Variants in PA2G4 observed in about 807,000 individuals in gnomAD.
PA2G4 encodes proliferation-associated 2G4.
PA2G4 carries 8 observed loss-of-function variants against 53.3 expected under a neutral mutation model. The observed-to-expected ratio is 0.15, with a 90% CI of 0.09 to 0.27. The LOEUF (loss-of-function observed/expected upper bound fraction) is 0.27. PA2G4 is among the 10% of genes least tolerant of loss of function. PA2G4 has a pLI of 1.00. For synonymous variants in PA2G4, 143 were observed against 169.8 expected, an observed-to-expected ratio of 0.84 and a Z score of 1.23; for missense variants, 208 against 486.8, an observed-to-expected ratio of 0.43 and a Z score of 5.39.
At chr12:56,111,806 G>T (rs1869432310) in intron 12 of PA2G4, among the ~76,000 whole-genome samples, 1 of 150,898 alleles carries the variant, frequency 6.6e-6, no homozygotes, top group Admixed American at 6.6e-5. Context: ...TTACAGGCAT[G>T]AGCTGCCATG....
rs1315203016 is a variant in PA2G4 at position 56,111,545 on chromosome 12, T to G, written c.1119+16T>G. 1 of 1,610,040 alleles carries G rather than the reference T, an allele frequency of 6.2e-7. No homozygotes were observed. Among genetic ancestry groups the G allele is most frequent in the Non-Finnish European group, 8.5e-7 (1 of 1,177,634 alleles). Reference sequence around the variant, plus strand: ...AAAAAAGAAGGTGTGTTATTAACGATCATTCCTCTCTGGCAGGGTGAACCT... The same window carrying G: ...AAAAAAGAAGGTGTGTTATTAACGAGCATTCCTCTCTGGCAGGGTGAACCT... On this transcript the variant is annotated intron_variant, in intron 12 of 12. Coordinates refer to ENST00000303305, the MANE Select transcript of PA2G4 (RefSeq NM_006191.3).
intron 5 of PA2G4, 48 bp from the exon 6 acceptor site, chr12:56,109,182 C>T (rs1869365396): frequency 8.7e-7 from 1 of 1,149,508 alleles, no homozygotes; most frequent in Non-Finnish European, 1.3e-6. Flanking sequence ...TTGTAGAGAA[C>T]TTATTAGCTC....
chr12:56,107,908 A>G (rs1869334784), intron 5 of PA2G4, among the ~76,000 whole-genome samples: 1 of 152,150 alleles, frequency 6.6e-6, no homozygotes, highest in South Asian at 2.1e-4. Flanking sequence ...ATGTGCCTGT[A>G]TTCCCAGCTT....
Position 56,110,396 on chromosome 12 carries a change from T to C in PA2G4, c.630-3T>C. ...AAAATTCCTTTCTCTCTATTCCTTT[T>C]AGGAAGGACCATGAAAAAGCTGAAT... On this transcript the variant is annotated splice_region_variant and splice_polypyrimidine_tract_variant and intron_variant, in intron 7 of 12. Coordinates refer to ENST00000303305, the MANE Select transcript of PA2G4 (RefSeq NM_006191.3). 1 of 1,581,996 alleles carries C rather than the reference T, an allele frequency of 6.3e-7. No homozygotes were observed. The highest frequency in any genetic ancestry group is 8.7e-7 in the Non-Finnish European group (1 of 1,150,850).
chr12:56,110,712 C>T lies in PA2G4; in HGVS notation c.842+20C>T, dbSNP rs766736867. ...TTTAAGGTACTAAGCAATGATAGTA[C>T]TTGGAACCAGTCTGACTCACAGACC... is the stretch of plus-strand genomic sequence containing the variant. On this transcript the variant is annotated intron_variant, in intron 9 of 12. Coordinates refer to ENST00000303305, the MANE Select transcript of PA2G4 (RefSeq NM_006191.3). 6.2e-7 allele frequency: 1 copy of T among 1,613,494 alleles called. No individual in the cohort carries two copies. The highest frequency in any genetic ancestry group is 8.5e-7 in the Non-Finnish European group (1 of 1,179,712).
At chr12:56,106,943 C>T (rs746702203) in intron 2 of PA2G4, 47 bp from the exon 3 acceptor site, 2 of 1,487,896 alleles carry the variant, frequency 1.3e-6, no homozygotes, top group East Asian at 2.3e-5. Context: ...GGCACTAGGG[C>T]TCCCGGGAGA....
intron 7 of PA2G4, 143 bp downstream of exon 7, chr12:56,110,078 G>T: frequency 2.9e-6 from 2 of 697,888 alleles, no homozygotes; most frequent in East Asian, 5.4e-5. Flanking sequence ...CTTTCTCTAG[G>T]CCGGGCGCGG....
rs1869307208 is a variant in PA2G4 at position 56,106,590 on chromosome 12, G to A, written c.91G>A (p.Val31Ile). Reference protein sequence around the residue: ...YKMGGDIANRVLRSLVEASSS... With the variant: ...YKMGGDIANRILRSLVEASSS... ...ACATGATGGGATTCTGTCCTCAGGG[G>A]TACTTCGGTCCTTGGTGGAAGCATC... is the stretch of plus-strand genomic sequence containing the variant. The change falls in exon 2 of 13, where the codon GTA becomes ATA. Residue 31 changes from valine to isoleucine, a missense_variant and splice_region_variant. Val to Ile is a conservative substitution (Grantham distance 29, BLOSUM62 3). Coordinates refer to ENST00000303305, the MANE Select transcript of PA2G4 (RefSeq NM_006191.3). The A allele has an allele frequency of 1.9e-6, 3 of 1,571,872 alleles. No homozygotes were observed. Among genetic ancestry groups the A allele is most frequent in the African/African-American group, 2.8e-5 (2 of 72,270 alleles).
At chr12:56,109,079 T>A (rs1240263796) in intron 5 of PA2G4, 151 bp from the exon 6 acceptor site, 3 of 450,650 alleles carry the variant, frequency 6.7e-6, no homozygotes, top group Non-Finnish European at 4.0e-6. Flanking sequence ...TGAGCCAAGA[T>A]CACGCCACTG....
Position 56,110,006 on chromosome 12 carries a change from A to G in PA2G4, c.629+71A>G, listed in dbSNP as rs576002010. The G allele has an allele frequency of 8.2e-5, 86 of 1,047,418 alleles. No individual in the cohort carries two copies. The Admixed American group carries it at 1.2e-3, about 14-fold the overall frequency. 64.9% of individuals were successfully genotyped at this position (1,047,418 alleles called of 1,614,324 possible). A position where few individuals can be genotyped will look rare whatever the true frequency, so the allele number is the denominator to read the frequency against. ...CATCAGGTTTTTTTCTATACTCCCA[A>G]CTGAATCTTGTCCGCCCTCTACTCC... is the stretch of plus-strand genomic sequence containing the variant. On this transcript the variant is annotated intron_variant, in intron 7 of 12. Transcript: ENST00000303305.
At chr12:56,105,345 T>C (rs1174425085) in intron 1 of PA2G4, among the ~76,000 whole-genome samples, 1 of 152,124 alleles carries the variant, frequency 6.6e-6, no homozygotes, top group Non-Finnish European at 1.5e-5. Context: ...ACCACCAGCT[T>C]CCCCACCACG....
At chr12:56,106,412 A>G (rs531353857) in intron 1 of PA2G4, 176 bp from the exon 2 acceptor site, 11 of 618,522 alleles carry the variant, frequency 1.8e-5, no homozygotes, top group Middle Eastern at 4.6e-4. Flanking sequence ...GATGGATTGT[A>G]TATACCCAGT....
At position 56,111,220 on chromosome 12, in the gene PA2G4, A is replaced by G; in HGVS notation, c.976A>G (p.Met326Val). 1 of 1,614,150 alleles carries G rather than the reference A, an allele frequency of 6.2e-7. No homozygotes were observed. The highest frequency in any genetic ancestry group is 1.7e-5 in the Admixed American group (1 of 60,030). Residue 326 changes from methionine (M) to valine (V), a missense_variant, in exon 11 of 13, where the codon ATG becomes GTG. Met to Val is a conservative substitution (Grantham distance 21). Coordinates refer to ENST00000303305, the MANE Select transcript of PA2G4 (RefSeq NM_006191.3). Reference sequence around the variant, plus strand: ...CCAGTTTAAATTTACAGTTCTGCTCATGCCCAATGGCCCCATGCGGATAAC... The same window carrying G: ...CCAGTTTAAATTTACAGTTCTGCTCGTGCCCAATGGCCCCATGCGGATAAC... ...VAQFKFTVLL[M>V]PNGPMRITSG...
At chr12:56,107,351 TGA>T (rs1033065263) in intron 4 of PA2G4, 95 bp downstream of exon 4, 5 of 1,116,454 alleles carry the variant, frequency 4.5e-6, no homozygotes, top group Admixed American at 3.4e-5. Flanking sequence ...CCACGTAAGT[TGA>T]GAGAGTCTCT....
intron 4 of PA2G4, 41 bp from the exon 5 acceptor site, chr12:56,107,480 G>T: frequency 6.8e-7 from 1 of 1,463,074 alleles, no homozygotes; most frequent in South Asian, 1.1e-5. Context: ...TGAGTTAACA[G>T]ACTTTCCAGG....
chr12:56,110,843 G>C lies in PA2G4; in HGVS notation c.843-121G>C, dbSNP rs556855018. ...CCATCTCCTTCTCATTGAAGGTAAT[G>C]TAAAAGAGCAATCCTAAGCATGATT... is the stretch of plus-strand genomic sequence containing the variant. On this transcript the variant is annotated intron_variant, in intron 9 of 12. Coordinates refer to ENST00000303305, the MANE Select transcript of PA2G4 (RefSeq NM_006191.3). The C allele has an allele frequency of 1.9e-5, 25 of 1,324,124 alleles. No individual in the cohort carries two copies. The East Asian group carries it at 4.2e-4, about 22-fold the overall frequency. The allele number at this position is 1,324,124 out of a possible 1,614,324, so 82.0% of individuals were successfully genotyped here.
intron 2 of PA2G4, 41 bp downstream of exon 2, chr12:56,106,757 T>C (rs747888708): frequency 1.1e-5 from 17 of 1,570,040 alleles, no homozygotes; most frequent in Non-Finnish European, 1.5e-5. Flanking sequence ...CGTTTGACCC[T>C]TATTTGGTCC....
At chr12:56,109,395 G>A (rs1375248935) in intron 6 of PA2G4, 102 bp downstream of exon 6, 26 of 773,090 alleles carry the variant, frequency 3.4e-5, no homozygotes, top group South Asian at 1.1e-4. Flanking sequence ...TGAGGTGGGC[G>A]GATCACCTGA....
Position 56,113,463 on chromosome 12 carries a change from G to A in PA2G4, c.*575G>A. Reference sequence around the variant, plus strand: ...CAGGCCCCTCCCATTTTAGGAGCTGGAGCCTTCATTTATGAAGAGATTCTC... The same window carrying A: ...CAGGCCCCTCCCATTTTAGGAGCTGAAGCCTTCATTTATGAAGAGATTCTC... On this transcript the variant is annotated 3_prime_UTR_variant, in exon 13 of 13. Coordinates refer to ENST00000303305, the MANE Select transcript of PA2G4 (RefSeq NM_006191.3). 4.9e-6 allele frequency: 1 copy of A among 204,756 alleles called. No homozygotes were observed. The highest frequency in any genetic ancestry group is 1.2e-4 in the East Asian group (1 of 8,594). The allele number at this position is 204,756 out of a possible 1,614,324, so 12.7% of individuals were successfully genotyped here. A position where few individuals can be genotyped will look rare whatever the true frequency, so the allele number is the denominator to read the frequency against.
Sources: allele counts gnomAD v4.1 joint callset (sites outside exome capture counted in the v4.1 genomes callset), GRCh38; gene constraint gnomAD v4.1.1; transcripts MANE v1.5; gene names NCBI Gene and HGNC (gene_info 2026-07-23, HGNC 2026-07-21).